The following COL10A1 variants were observed in gnomAD, a reference collection of about 807,000 sequenced individuals.
COL10A1 encodes collagen type X alpha 1 chain.
A neutral mutation model predicts 18.2 loss-of-function variants in COL10A1; 10 were observed. The observed-to-expected ratio is 0.55, with a 90% CI of 0.34 to 0.93. The LOEUF (loss-of-function observed/expected upper bound fraction) is 0.93, where lower values mean the gene tolerates loss of function less well. Ranked by LOEUF, COL10A1 falls within the 40% of genes least tolerant of loss-of-function variation. COL10A1 has a pLI of 0.02. For missense variants in COL10A1, 897 were observed against 853.5 expected, an observed-to-expected ratio of 1.05 and a Z score of -0.64; for synonymous variants, 330 against 316.6, an observed-to-expected ratio of 1.04 and a Z score of -0.45.
chr6:116,166,481 A>G, the COL10A1 span, among the ~76,000 whole-genome samples: 3 of 152,192 alleles, frequency 2.0e-5, no homozygotes, highest in African/African-American at 4.8e-5. Context: ...TGTAAATGGT[A>G]TTGGGAATAG....
chr6:116,172,024 A>C, the COL10A1 span, among the ~76,000 whole-genome samples: 2 of 152,174 alleles, frequency 1.3e-5, no homozygotes, highest in Admixed American at 1.3e-4. Context: ...AGAAAGATTA[A>C]GAGGAAGGTA....
chr6:116,122,403 T>A (rs1389356823), intron 2 of COL10A1, among the ~76,000 whole-genome samples: 1 of 152,250 alleles, frequency 6.6e-6, no homozygotes, highest in Non-Finnish European at 1.5e-5. Context: ...GAATTAATTC[T>A]GATTTACATC....
At chr6:116,150,678 T>G (rs1025161221) in intron 1 of COL10A1, among the ~76,000 whole-genome samples, 2 of 152,198 alleles carry the variant, frequency 1.3e-5, no homozygotes, top group African/African-American at 4.8e-5. Flanking sequence ...TTTCAGAGAT[T>G]GGAGCATTAG....
chr6:116,189,305 C>G, the COL10A1 span, among the ~76,000 whole-genome samples: 1 of 151,552 alleles, frequency 6.6e-6, no homozygotes, highest in Non-Finnish European at 1.5e-5. Flanking sequence ...TATTTTTTCC[C>G]TCATTTTGAG....
chr6:116,171,811 T>C, the COL10A1 span, among the ~76,000 whole-genome samples: 1 of 152,254 alleles, frequency 6.6e-6, no homozygotes, highest in Non-Finnish European at 1.5e-5. Flanking sequence ...ACCATTTGCA[T>C]AAATGTGCAA....
chr6:116,213,223 C>T, the COL10A1 span, among the ~76,000 whole-genome samples: 6 of 152,042 alleles, frequency 3.9e-5, no homozygotes, highest in African/African-American at 1.4e-4. Context: ...TCAGTGGGGA[C>T]AGTAGTCTTC....
chr6:116,194,844 T>C, the COL10A1 span, among the ~76,000 whole-genome samples: 1 of 152,066 alleles, frequency 6.6e-6, no homozygotes, highest in Non-Finnish European at 1.5e-5. Context: ...TAAGACACTC[T>C]ACATACTGTT....
the COL10A1 span, among the ~76,000 whole-genome samples, chr6:116,179,052 A>C: frequency 6.6e-6 from 1 of 152,292 alleles, no homozygotes; most frequent in East Asian, 1.9e-4. Flanking sequence ...AAGTTTGTAA[A>C]ATTCGATATG....
the COL10A1 span, among the ~76,000 whole-genome samples, chr6:116,169,823 T>A: frequency 6.6e-6 from 1 of 152,276 alleles, no homozygotes; most frequent in South Asian, 2.1e-4. Context: ...TGTGTATAGA[T>A]GATATTTATG....
At chr6:116,212,190 T>C in the COL10A1 span, among the ~76,000 whole-genome samples, 8 of 152,092 alleles carry the variant, frequency 5.3e-5, no homozygotes, top group Non-Finnish European at 1.0e-4. Flanking sequence ...TTTGAAACTT[T>C]AGTATGTTCT....
At chr6:116,173,384 G>A in the COL10A1 span, among the ~76,000 whole-genome samples, 2 of 152,194 alleles carry the variant, frequency 1.3e-5, no homozygotes, top group Non-Finnish European at 2.9e-5. Context: ...CCCATCTGGG[G>A]TGGGAAAACA....
chr6:116,122,695 A>G (rs1460245868), intron 2 of COL10A1, among the ~76,000 whole-genome samples: 12 of 152,246 alleles, frequency 7.9e-5, no homozygotes, highest in African/African-American at 2.9e-4. Context: ...CTGGGCCACA[A>G]GTATGGGGAA....
chr6:116,187,844 TAAAGGA>T, the COL10A1 span, among the ~76,000 whole-genome samples: 2 of 152,012 alleles, frequency 1.3e-5, no homozygotes, highest in African/African-American at 4.8e-5. Flanking sequence ...TGATTGATTG[TAAAGGA>T]AAAGTGAATA....
At chr6:116,140,072 A>G (rs898180742) in intron 1 of COL10A1, among the ~76,000 whole-genome samples, 1 of 152,180 alleles carries the variant, frequency 6.6e-6, no homozygotes, top group African/African-American at 2.4e-5. Context: ...GAGGAATTCC[A>G]CAGGTTCATA....
the COL10A1 span, among the ~76,000 whole-genome samples, chr6:116,176,673 A>G: frequency 3.0e-4 from 45 of 152,080 alleles, no homozygotes; most frequent in Admixed American, 6.6e-4. Context: ...CCAACCACAT[A>G]TTGTCCTTTA....
At chr6:116,195,911 G>A in the COL10A1 span, among the ~76,000 whole-genome samples, 10 of 152,034 alleles carry the variant, frequency 6.6e-5, no homozygotes, top group African/African-American at 2.4e-4. Context: ...AAAGGGGGAA[G>A]GTGGAGATGG....
At chr6:116,150,011 G>A (rs1562139646) in intron 1 of COL10A1, among the ~76,000 whole-genome samples, 2 of 152,140 alleles carry the variant, frequency 1.3e-5, no homozygotes, top group Non-Finnish European at 2.9e-5. Flanking sequence ...GCCCCCCAAA[G>A]TACTGTTGAG....
chr6:116,216,555 T>G, the COL10A1 span, among the ~76,000 whole-genome samples: 2 of 151,956 alleles, frequency 1.3e-5, no homozygotes, highest in Non-Finnish European at 2.9e-5. Context: ...TGTACTTCAT[T>G]TCCCAGCTTT....
At chr6:116,209,179 A>G in the COL10A1 span, among the ~76,000 whole-genome samples, 1 of 151,992 alleles carries the variant, frequency 6.6e-6, no homozygotes, top group Non-Finnish European at 1.5e-5. Context: ...GATTCAGCAA[A>G]CCTTTTCTTA....
Sources: gnomAD v4.1 joint callset for allele counts (sites outside exome capture counted in the v4.1 genomes callset) on GRCh38, gnomAD v4.1.1 for gene constraint, MANE v1.5 for transcripts, NCBI Gene and HGNC (gene_info 2026-07-23, HGNC 2026-07-21) for gene names.